ZNF546: variants seen among roughly 807,000 people sequenced by gnomAD.
ZNF546 encodes zinc finger protein 546.
In ZNF546, 60 loss-of-function variants were observed where a neutral mutation model predicts 76.2. The ratio of observed to expected loss-of-function variants is 0.79; its 90% confidence interval spans 0.64 to 0.98. ZNF546 has a LOEUF of 0.98. Ranked by LOEUF, ZNF546 falls within the 50% of genes least tolerant of loss-of-function variation. ZNF546 has a pLI of 0.00. For synonymous variants in ZNF546, 277 were observed against 328.1 expected (o/e 0.84, Z 1.68); for missense variants, 936 against 1,035.6 (o/e 0.90, Z 1.32).
chr19:40,015,812 T>G lies in ZNF546; in HGVS notation c.*31T>G. The G allele has an allele frequency of 1.3e-6, 2 of 1,594,054 alleles. No homozygotes were observed. Among genetic ancestry groups the G allele is most frequent in the Non-Finnish European group, 1.7e-6 (2 of 1,163,302 alleles). On this transcript the variant is annotated 3_prime_UTR_variant, in exon 7 of 7. Transcript: ENST00000347077. ...ATACGATGGCCTTTAGAAAATGCCC[T>G]TTAGCAGAGAATTTGTAATTTAAGA...
At position 40,017,409 on chromosome 19, in the gene ZNF546, G is replaced by C. The variant is rs1971786111; in HGVS notation, c.*1628G>C. On this transcript the variant is annotated 3_prime_UTR_variant, in exon 7 of 7. Transcript: ENST00000347077. Reference sequence around the variant, plus strand: ...AACAGTTATGTTCTATCTAGATTCAGCAATTGTTAATATGTTGTCACATTT... The same window carrying C: ...AACAGTTATGTTCTATCTAGATTCACCAATTGTTAATATGTTGTCACATTT... The C allele has an allele frequency of 1.3e-5, 2 of 152,148 alleles. No individual in the cohort carries two copies. The highest frequency in any genetic ancestry group is 2.9e-5 in the Non-Finnish European group (2 of 68,024). 9.4% of individuals were successfully genotyped at this position (152,148 alleles called of 1,614,324 possible). A position where few individuals can be genotyped will look rare whatever the true frequency, so the allele number is the denominator to read the frequency against.
rs1462652295 is a variant in ZNF546 at position 40,014,597 on chromosome 19, T to C, written c.1327T>C (p.Cys443Arg). ...RIHTGEKPYE[C>R]RECGKAFRLQ... ...TCATACTGGTGAGAAACCCTATGAA[T>C]GTAGAGAATGTGGAAAAGCCTTTCG... Residue 443 changes from cysteine (C) to arginine (R), a missense_variant, in exon 7 of 7, where the codon TGT (cysteine) becomes CGT (arginine). Transcript: ENST00000347077. 3.1e-6 allele frequency: 5 copies of C among 1,613,566 alleles called. No individual in the cohort carries two copies. The highest frequency in any genetic ancestry group is 1.7e-6 in the Non-Finnish European group (2 of 1,179,726).
In ZNF546 at chr19:40,013,687, C is replaced by T; in HGVS notation, c.417C>T (p.Thr139=). ...CAGATTTGGAATACAAGTATATTAC[C>T]AAGAATTTGCTTTCAGAAAAGAATG... The part of the protein sequence containing the change: ...WFTDLEYKYI[T]KNLLSEKNVC... The change falls in exon 7 of 7, where the codon ACC becomes ACT. Residue 139 remains threonine, a synonymous_variant. Transcript: ENST00000347077. The T allele has an allele frequency of 6.7e-7, 1 of 1,494,104 alleles. No individual in the cohort carries two copies. Among genetic ancestry groups the T allele is most frequent in the Non-Finnish European group, 9.0e-7 (1 of 1,109,810 alleles). 92.6% of individuals were successfully genotyped at this position (1,494,104 alleles called of 1,614,324 possible).
intron 3 of ZNF546, among the ~76,000 whole-genome samples, chr19:40,002,180 GTTAGTA>G (rs1205229198): frequency 2.0e-5 from 3 of 152,290 alleles, no homozygotes; most frequent in African/African-American, 7.2e-5. Flanking sequence ...GACCAATATA[GTTAGTA>G]TTAGTAAGGC....
intron 6 of ZNF546, chr19:40,011,136 T>C (rs959914119): frequency 6.6e-6 from 1 of 152,232 alleles, no homozygotes; most frequent in African/African-American, 2.4e-5. Flanking sequence ...ATTAAGTTAA[T>C]TTATCACATT....
intron 4 of ZNF546, 83 bp from the exon 5 acceptor site, chr19:40,007,191 T>C: frequency 8.9e-7 from 1 of 1,118,734 alleles, no homozygotes; most frequent in East Asian, 2.8e-5. Context: ...ATTTGCTTAC[T>C]ATGTTGCTTC....
rs1971789766 is a variant in ZNF546 at position 40,017,629 on chromosome 19, A to G, written c.*1848A>G. 6.6e-6 allele frequency: 1 copy of G among 152,122 alleles called. No homozygotes were observed. Among genetic ancestry groups the G allele is most frequent in the African/African-American group, 2.4e-5 (1 of 41,402 alleles). 9.4% of individuals were successfully genotyped at this position (152,122 alleles called of 1,614,324 possible). On this transcript the variant is annotated 3_prime_UTR_variant, in exon 7 of 7. Transcript: ENST00000347077. Reference sequence around the variant, plus strand: ...AATTTGTAAGCTGTCTTAAAACATGAGATTTTTTTTGTGATTTTTTTTAAG... The same window carrying G: ...AATTTGTAAGCTGTCTTAAAACATGGGATTTTTTTTGTGATTTTTTTTAAG...
Position 40,014,606 on chromosome 19 carries a change from T to C in ZNF546, c.1336T>C (p.Cys446Arg), listed in dbSNP as rs763241858. 2 of 1,613,590 alleles carry C rather than the reference T, an allele frequency of 1.2e-6. No homozygotes were observed. The highest frequency in any genetic ancestry group is 1.1e-5 in the South Asian group (1 of 91,060). Residue 446 changes from cysteine (C) to arginine (R), a missense_variant, in exon 7 of 7, where the codon TGT becomes CGT. Physicochemically the swap from Cys to Arg is radical, Grantham distance 180. Transcript: ENST00000347077. Reference protein sequence around the residue: ...TGEKPYECRECGKAFRLQTEL... With the variant: ...TGEKPYECRERGKAFRLQTEL... ...TGAGAAACCCTATGAATGTAGAGAA[T>C]GTGGAAAAGCCTTTCGTCTTCAAAC...
rs1388024461 is a variant in ZNF546, at chr19:40,014,615, G to A, written c.1345G>A (p.Ala449Thr). Residue 449 changes from alanine (A) to threonine (T), a missense_variant, in exon 7 of 7, where the codon GCC (alanine) becomes ACC (threonine). Transcript: ENST00000347077. Reference protein sequence around the residue: ...KPYECRECGKAFRLQTELTRH... With the variant: ...KPYECRECGKTFRLQTELTRH... ...CTATGAATGTAGAGAATGTGGAAAA[G>A]CCTTTCGTCTTCAAACGGAACTTAC... 1 of 1,613,210 alleles carries A rather than the reference G, an allele frequency of 6.2e-7. No homozygotes were observed. Among genetic ancestry groups the A allele is most frequent in the African/African-American group, 1.3e-5 (1 of 74,800 alleles).
chr19:40,012,690 C>G (rs1375428137), intron 6 of ZNF546, among the ~76,000 whole-genome samples: 1 of 152,098 alleles, frequency 6.6e-6, no homozygotes, highest in Non-Finnish European at 1.5e-5. Context: ...GGACTTGCTC[C>G]TATAGATTTT....
At chr19:40,006,283 G>A (rs184015434) in intron 4 of ZNF546, 101 bp downstream of exon 4, 3 of 1,038,652 alleles carry the variant, frequency 2.9e-6, no homozygotes, top group East Asian at 2.4e-5. Flanking sequence ...CAACCCTGTT[G>A]TGGAACCTGC....
rs1241088549 is a variant in ZNF546 at position 40,017,681 on chromosome 19, A to C, written c.*1900A>C. On this transcript the variant is annotated 3_prime_UTR_variant, in exon 7 of 7. Coordinates refer to ENST00000347077, the MANE Select transcript of ZNF546 (RefSeq NM_178544.5). Reference sequence around the variant, plus strand: ...TCATCCGCCATTGTTAGCACATTTTATGTGTAGCCCAAGATAATTCTTCTT... The same window carrying C: ...TCATCCGCCATTGTTAGCACATTTTCTGTGTAGCCCAAGATAATTCTTCTT... 1.3e-5 allele frequency: 2 copies of C among 152,114 alleles called. No individual in the cohort carries two copies. Among genetic ancestry groups the C allele is most frequent in the East Asian group, 3.9e-4 (2 of 5,192 alleles). 9.4% of individuals were successfully genotyped at this position (152,114 alleles called of 1,614,324 possible).
intron 4 of ZNF546, 107 bp downstream of exon 4, chr19:40,006,289 C>G (rs766008377): frequency 1.4e-5 from 13 of 960,074 alleles, no homozygotes; most frequent in East Asian, 2.5e-5. Context: ...TGTTGTGGAA[C>G]CTGCTCCCTA....
intron 6 of ZNF546, among the ~76,000 whole-genome samples, chr19:40,011,565 C>T (rs1393190376): frequency 2.0e-5 from 3 of 152,092 alleles, no homozygotes; most frequent in African/African-American, 7.2e-5. Flanking sequence ...CATTTGTATA[C>T]CTATTGTACA....
At position 40,020,041 on chromosome 19, in the gene ZNF546, G is replaced by A. The variant is rs1971834481; in HGVS notation, c.*4260G>A. ...CTTCCAACCAGGTGGCAGTCATCAA[G>A]CAGTTTTGTGAAAAGCCTTCCCGGT... On this transcript the variant is annotated 3_prime_UTR_variant, in exon 7 of 7. Coordinates refer to ENST00000347077, the MANE Select transcript of ZNF546 (RefSeq NM_178544.5). The A allele has an allele frequency of 6.6e-6, 1 of 152,168 alleles. No homozygotes were observed. Among genetic ancestry groups the A allele is most frequent in the Non-Finnish European group, 1.5e-5 (1 of 68,014 alleles). The allele number at this position is 152,168 out of a possible 1,614,324, so 9.4% of individuals were successfully genotyped here. A position where few individuals can be genotyped will look rare whatever the true frequency, so the allele number is the denominator to read the frequency against.
chr19:40,007,108 G>T (rs577343556), intron 4 of ZNF546, among the ~76,000 whole-genome samples, 166 bp from the exon 5 acceptor site: 4 of 152,154 alleles, frequency 2.6e-5, no homozygotes, highest in Non-Finnish European at 5.9e-5. Flanking sequence ...CTTTAAAAGC[G>T]TATGAACACT....
rs1971786031 is a variant in ZNF546, at chr19:40,017,399, T to C, written c.*1618T>C. 1 of 152,258 alleles carries C rather than the reference T, an allele frequency of 6.6e-6. No individual in the cohort carries two copies. Among genetic ancestry groups the C allele is most frequent in the Non-Finnish European group, 1.5e-5 (1 of 68,042 alleles). 9.4% of individuals were successfully genotyped at this position (152,258 alleles called of 1,614,324 possible). ...AAGAATAATGAACAGTTATGTTCTA[T>C]CTAGATTCAGCAATTGTTAATATGT... On this transcript the variant is annotated 3_prime_UTR_variant, in exon 7 of 7. Coordinates refer to ENST00000347077, the MANE Select transcript of ZNF546 (RefSeq NM_178544.5).
rs764670367 is a variant in ZNF546 at position 40,015,702 on chromosome 19, G to T, written c.2432G>T (p.Gly811Val). Residue 811 changes from glycine to valine, a missense_variant, in exon 7 of 7, where the codon GGA (glycine) becomes GTA (valine). Coordinates refer to ENST00000347077, the MANE Select transcript of ZNF546 (RefSeq NM_178544.5). ...GEKPYQCKEC[G>V]KAFIRSDQLT... is the part of the protein sequence containing the mutation. The stretch of plus-strand genomic sequence containing the variant: ...AAACCCTATCAATGTAAAGAATGTG[G>T]AAAAGCCTTTATTCGTAGTGATCAA... 1 of 1,614,148 alleles carries T rather than the reference G, an allele frequency of 6.2e-7. No homozygotes were observed. Among genetic ancestry groups the T allele is most frequent in the South Asian group, 1.1e-5 (1 of 91,086 alleles).
chr19:40,014,622 G>T lies in ZNF546; in HGVS notation c.1352G>T (p.Arg451Leu). ...TGTAGAGAATGTGGAAAAGCCTTTC[G>T]TCTTCAAACGGAACTTACTCGGCAT... The part of the protein sequence containing the change: ...YECRECGKAF[R>L]LQTELTRHHR... Residue 451 changes from arginine (R) to leucine (L), a missense_variant, in exon 7 of 7, where the codon CGT becomes CTT. Transcript: ENST00000347077. 1 of 1,613,276 alleles carries T rather than the reference G, an allele frequency of 6.2e-7. No individual in the cohort carries two copies. The highest frequency in any genetic ancestry group is 8.5e-7 in the Non-Finnish European group (1 of 1,179,660).
Sources: gnomAD v4.1 joint callset for allele counts (sites outside exome capture counted in the v4.1 genomes callset) on GRCh38, gnomAD v4.1.1 for gene constraint, MANE v1.5 for transcripts, NCBI Gene and HGNC (gene_info 2026-07-23, HGNC 2026-07-21) for gene names.